The following SLC35E4 variants were observed in gnomAD, a reference collection of about 807,000 sequenced individuals.
SLC35E4 encodes the protein solute carrier family 35, member E4.
In SLC35E4, 15 loss-of-function variants were observed where a neutral mutation model predicts 19.3. That is an observed-to-expected ratio of 0.78 (90% CI 0.52 to 1.20). The LOEUF is 1.20. Among genes scored for constraint, SLC35E4 ranks in the 50% most tolerant of loss-of-function variants. The pLI, the probability that SLC35E4 is intolerant of heterozygous loss-of-function variation, is 0.00. For missense variants in SLC35E4, 406 were observed against 472.3 expected (o/e 0.86, Z 1.30); for synonymous variants, 219 against 219.9 (o/e 1.00, Z 0.04).
chr22:30,651,306 T>G (rs1475653096), downstream of SLC35E4, among the ~76,000 whole-genome samples: 1 of 149,238 alleles, frequency 6.7e-6, no homozygotes, highest in East Asian at 2.0e-4. Context: ...GTTCAAGTGA[T>G]TCTTCTGCCT....
At chr22:30,649,086 G>C (rs992014925), downstream of SLC35E4, 6 of 688,794 alleles carry the variant, frequency 8.7e-6, no homozygotes, top group Non-Finnish European at 1.6e-5. Context: ...AAGATGATAA[G>C]GACCCAGTTG....
chr22:30,663,479 A>G, downstream of SLC35E4: 3 of 1,613,842 alleles, frequency 1.9e-6, no homozygotes, highest in Non-Finnish European at 2.5e-6. Context: ...CATAGATGTC[A>G]GGGATCATTC....
downstream of SLC35E4, among the ~76,000 whole-genome samples, chr22:30,651,399 G>GTATATATATA (rs1427700463): frequency 1.1e-4 from 7 of 61,332 alleles, no homozygotes; most frequent in African/African-American, 5.7e-4. Context: ...GTGTGTGTGT[G>GTATATATATA]TATATATATA....
At position 30,636,816 on chromosome 22, in the gene SLC35E4, C is replaced by G; in HGVS notation, c.366C>G (p.Ala122=). The change falls in exon 1 of 2, where the codon GCC becomes GCG. Residue 122 remains alanine (A), a synonymous_variant. Coordinates refer to ENST00000343605, the MANE Select transcript of SLC35E4 (RefSeq NM_001001479.4). ...LLSLTFGTSM[A]CGNVGLRAVP... Reference sequence around the variant, plus strand: ...GTCTCACCTTTGGCACGTCCATGGCCTGCGGCAACGTGGGCCTAAGGGCTG... The same window carrying G: ...GTCTCACCTTTGGCACGTCCATGGCGTGCGGCAACGTGGGCCTAAGGGCTG... 6.2e-7 allele frequency: 1 copy of G among 1,612,892 alleles called. No individual in the cohort carries two copies. The highest frequency in any genetic ancestry group is 8.5e-7 in the Non-Finnish European group (1 of 1,179,626).
intron 2 of SLC35E4, among the ~76,000 whole-genome samples, chr22:30,657,906 A>AAATAATAATAAT (rs56297954): frequency 7.7e-6 from 1 of 129,960 alleles, no homozygotes; most frequent in Non-Finnish European, 1.6e-5. Flanking sequence ...TCTGTCTCAA[A>AAATAATAATAAT]AATAATAATA....
At chr22:30,655,593 G>A (rs2088325172) in intron 2 of SLC35E4, among the ~76,000 whole-genome samples, 1 of 151,742 alleles carries the variant, frequency 6.6e-6, no homozygotes, top group African/African-American at 2.4e-5. Context: ...GCCTGCCTTA[G>A]TATCCCTTCC....
downstream of SLC35E4, chr22:30,649,366 G>A: frequency 1.5e-6 from 1 of 655,556 alleles, no homozygotes; most frequent in Non-Finnish European, 2.8e-6. Context: ...GACCAGGCTG[G>A]GGCTGTGGTC....
downstream of SLC35E4, chr22:30,668,260 TCTC>T (rs1238901058): frequency 6.6e-6 from 1 of 152,238 alleles, no homozygotes; most frequent in African/African-American, 2.4e-5. Context: ...CAGCCGCACA[TCTC>T]CTTCCCGCGC....
chr22:30,646,459 C>T, intron 1 of SLC35E4, 139 bp from the exon 2 acceptor site: 7 of 998,160 alleles, frequency 7.0e-6, no homozygotes, highest in Non-Finnish European at 1.0e-5. Flanking sequence ...TCTTGACTGT[C>T]ATGTTTCAGA....
At chr22:30,644,734 C>G (rs1224914965) in intron 1 of SLC35E4, among the ~76,000 whole-genome samples, 3 of 151,896 alleles carry the variant, frequency 2.0e-5, no homozygotes, top group African/African-American at 7.3e-5. Context: ...GACCCTGTCT[C>G]AAATAATAAT....
chr22:30,649,586 G>A (rs565959406), downstream of SLC35E4, among the ~76,000 whole-genome samples: 17 of 149,278 alleles, frequency 1.1e-4, no homozygotes, highest in African/African-American at 4.0e-4. Flanking sequence ...AAGTCGGCCT[G>A]GGCTGAGTCA....
At chr22:30,652,514 C>T (rs1023605891), downstream of SLC35E4, among the ~76,000 whole-genome samples, 5 of 152,276 alleles carry the variant, frequency 3.3e-5, no homozygotes, top group East Asian at 1.9e-4. Context: ...TAAGTTTCTC[C>T]GAATGTTAGT....
intron 1 of SLC35E4, 132 bp downstream of exon 1, chr22:30,637,201 C>T: frequency 7.4e-7 from 1 of 1,357,372 alleles, no homozygotes; most frequent in East Asian, 2.4e-5. Flanking sequence ...GTGGAGGAAG[C>T]AGAACTGAGG....
In SLC35E4 at chr22:30,659,102, C is replaced by T. The variant is rs189774262; in HGVS notation, c.*9-2958C>T. ...TTGCGCCATTGCACTCCAGCCTAGG[C>T]GACACAGCGAGACTCCATCTCAAAA... is the stretch of plus-strand genomic sequence containing the variant. On this transcript the variant is annotated intron_variant, in intron 2 of 2. Coordinates refer to the SLC35E4 transcript ENST00000406566. Among the ~76,000 whole-genome samples the T allele has an allele frequency of 2.1e-3, 272 of 128,978 alleles. 1 individual carries two copies. Among genetic ancestry groups the T allele is most frequent in the Non-Finnish European group, 2.3e-3 (151 of 64,270 alleles). The allele number at this position is 128,978 out of a possible 152,430, so 84.6% of individuals were successfully genotyped here.
downstream of SLC35E4, among the ~76,000 whole-genome samples, chr22:30,648,710 A>C (rs2088169733): frequency 6.6e-6 from 1 of 152,208 alleles, no homozygotes; most frequent in South Asian, 2.1e-4. Context: ...AGCTTGGCCA[A>C]CAAGACCGAA....
chr22:30,667,303 G>A (rs936064312), downstream of SLC35E4: 1 of 152,218 alleles, frequency 6.6e-6, no homozygotes, highest in Admixed American at 6.5e-5. Context: ...AACACCGCGG[G>A]GCGTTCGTGA....
At chr22:30,666,747 C>G (rs2088686554), downstream of SLC35E4, 1 of 148,770 alleles carries the variant, frequency 6.7e-6, no homozygotes, top group Non-Finnish European at 1.5e-5. Flanking sequence ...GTGGGAGAAA[C>G]AGATAGTAAA....
chr22:30,660,521 G>A (rs919772051), intron 2 of SLC35E4, among the ~76,000 whole-genome samples: 1 of 152,110 alleles, frequency 6.6e-6, no homozygotes, highest in Non-Finnish European at 1.5e-5. Flanking sequence ...CACGGACAAT[G>A]TCAAAAGCTC....
Position 30,657,303 on chromosome 22 carries a change from ACAC to A in SLC35E4, c.*9-4756_*9-4754del, listed in dbSNP as rs200758576. On this transcript the variant is annotated intron_variant, in intron 2 of 2. Transcript: ENST00000406566. ...CACACACACACACACACACACACAC[ACAC>A]AAATTAGCCGGGCGTGGGGGCGGGC... 4.6e-3 allele frequency among the ~76,000 whole-genome samples: 606 copies of A among 132,632 alleles called. 6 individuals carry two copies. In the East Asian group the frequency reaches 0.052, roughly 11 times the overall value. The allele number at this position is 132,632 out of a possible 152,430, so 87.0% of individuals were successfully genotyped here.
Sources: gnomAD v4.1 joint callset for allele counts (sites outside exome capture counted in the v4.1 genomes callset) on GRCh38, gnomAD v4.1.1 for gene constraint, MANE v1.5 for transcripts, NCBI Gene and HGNC (gene_info 2026-07-23, HGNC 2026-07-21) for gene names.